The following ABCA5 variants were observed in gnomAD, a reference collection of about 807,000 sequenced individuals.
The protein encoded by ABCA5 is ATP binding cassette subfamily A member 5.
ABCA5 carries 163 observed loss-of-function variants against 206.0 expected under a neutral mutation model. The observed-to-expected ratio is 0.79, with a 90% CI of 0.70 to 0.90. The LOEUF (loss-of-function observed/expected upper bound fraction) is 0.90, where lower values mean the gene tolerates loss of function less well. Among genes scored for constraint, ABCA5 ranks in the 40% least tolerant of loss-of-function variants. ABCA5 has a pLI of 0.00. For missense variants in ABCA5, 1,859 were observed against 1,912.9 expected, an observed-to-expected ratio of 0.97 and a Z score of 0.53; for synonymous variants, 609 against 613.8, an observed-to-expected ratio of 0.99 and a Z score of 0.11.
At chr17:69,294,112 C>T (rs2075559524) in intron 11 of ABCA5, among the ~76,000 whole-genome samples, 1 of 151,970 alleles carries the variant, frequency 6.6e-6, no homozygotes, top group South Asian at 2.1e-4. Flanking sequence ...AAGGACATAG[C>T]CTTATTCAAA....
intron 29 of ABCA5, 36 bp downstream of exon 29, chr17:69,256,121 A>T: frequency 6.6e-7 from 1 of 1,519,124 alleles, no homozygotes. Flanking sequence ...TGATCATTTC[A>T]TATTTACTAT....
intron 37 of ABCA5, chr17:69,249,667 G>A: frequency 2.2e-6 from 1 of 464,524 alleles, no homozygotes; most frequent in Non-Finnish European, 3.8e-6. Context: ...TATGACATTA[G>A]TGTTTACCTG....
chr17:69,302,930 T>C (rs1437657892), intron 7 of ABCA5, 24 bp from the exon 8 acceptor site: 17 of 1,339,570 alleles, frequency 1.3e-5, no homozygotes, highest in Non-Finnish European at 1.6e-5. Flanking sequence ...ATATTAAGGT[T>C]AGTGCAATGT....
At chr17:69,261,312 C>A in intron 25 of ABCA5, 53 bp from the exon 26 acceptor site, 1 of 1,515,724 alleles carries the variant, frequency 6.6e-7, no homozygotes, top group Non-Finnish European at 8.9e-7. Context: ...AAACTTCTTA[C>A]AAATTGGTGT....
chr17:69,300,866 A>T (rs939404199), intron 9 of ABCA5, among the ~76,000 whole-genome samples: 1 of 152,158 alleles, frequency 6.6e-6, no homozygotes, highest in Non-Finnish European at 1.5e-5. Context: ...TACTTCAATT[A>T]AAAAAGACTG....
chr17:69,289,080 C>T lies in ABCA5; in HGVS notation c.1902+97G>A. 6 of 1,214,486 alleles carry T rather than the reference C, an allele frequency of 4.9e-6. No homozygotes were observed. The South Asian group carries it at 1.1e-4, about 21-fold the overall frequency. The allele number at this position is 1,214,486 out of a possible 1,614,324, so 75.2% of individuals were successfully genotyped here. A position where few individuals can be genotyped will look rare whatever the true frequency, so the allele number is the denominator to read the frequency against. On this transcript the variant is annotated intron_variant, in intron 14 of 38. Transcript: ENST00000392676. The stretch of plus-strand genomic sequence containing the variant: ...AATAACATACAGCATTTTATGTACA[C>T]TTAACCTTTACATAATGTATTATAT...
In ABCA5 at chr17:69,267,900, C is replaced by T. The variant is rs60784573; in HGVS notation, c.3144+43G>A. On this transcript the variant is annotated intron_variant, in intron 23 of 38. Coordinates refer to ENST00000392676, the MANE Select transcript of ABCA5 (RefSeq NM_172232.4). ...AAGCAAATAGGTTATTTTTATATGA[C>T]ACTTCTTATTAGCAAATTATATATT... 7.0e-4 allele frequency: 795 copies of T among 1,132,194 alleles called. 3 individuals carry two copies. In the African/African-American group the frequency reaches 9.9e-3, roughly 14 times the overall value. 70.1% of individuals were successfully genotyped at this position (1,132,194 alleles called of 1,614,324 possible). A position where few individuals can be genotyped will look rare whatever the true frequency, so the allele number is the denominator to read the frequency against.
intron 1 of ABCA5, among the ~76,000 whole-genome samples, chr17:69,323,102 T>C (rs1176705486): frequency 6.6e-6 from 1 of 152,182 alleles, no homozygotes; most frequent in African/African-American, 2.4e-5. Flanking sequence ...AGGTTGACTT[T>C]GGAGACTGGG....
chr17:69,306,017 C>G (rs940148386), intron 6 of ABCA5, among the ~76,000 whole-genome samples: 1 of 151,962 alleles, frequency 6.6e-6, no homozygotes, highest in Non-Finnish European at 1.5e-5. Context: ...TTTTGTAAAA[C>G]AGACTATAAC....
intron 37 of ABCA5, chr17:69,249,258 TCA>T (rs2074985615): frequency 6.6e-6 from 1 of 152,184 alleles, no homozygotes; most frequent in Non-Finnish European, 1.5e-5. Flanking sequence ...ATAGGTTGTT[TCA>T]CAGTTTATAA....
Position 69,313,126 on chromosome 17 carries a change from G to C in ABCA5, c.273C>G (p.Ile91Met). The C allele has an allele frequency of 3.1e-6, 5 of 1,611,196 alleles. No homozygotes were observed. Among genetic ancestry groups the C allele is most frequent in the Non-Finnish European group, 4.2e-6 (5 of 1,178,430 alleles). ...YTPVTNITSS[I>M]MQKVSTDHLP... Reference sequence around the variant, plus strand: ...GATGATCAGTAGACACTTTCTGCATGATGCTGCTTGTAATATTAGTCACTG... The same window carrying C: ...GATGATCAGTAGACACTTTCTGCATCATGCTGCTTGTAATATTAGTCACTG... The change falls in exon 3 of 39, where the codon ATC becomes ATG. Residue 91 changes from isoleucine (I) to methionine (M), a missense_variant. Physicochemically the swap from Ile to Met is conservative, Grantham distance 10. Transcript: ENST00000392676.
chr17:69,295,967 G>C (rs2075579835), intron 10 of ABCA5, among the ~76,000 whole-genome samples: 1 of 152,184 alleles, frequency 6.6e-6, no homozygotes, highest in South Asian at 2.1e-4. Flanking sequence ...CAAGAGAAAA[G>C]CATAGTATTC....
chr17:69,251,464 TTACA>T (rs2075012510), intron 35 of ABCA5: 1 of 321,386 alleles, frequency 3.1e-6, no homozygotes, highest in Non-Finnish European at 5.6e-6. Context: ...CATATTTGTG[TTACA>T]TAATTAATCC....
chr17:69,300,550 A>C (rs1196318312), intron 9 of ABCA5, among the ~76,000 whole-genome samples: 2 of 152,218 alleles, frequency 1.3e-5, no homozygotes, highest in Non-Finnish European at 2.9e-5. Flanking sequence ...ATATATGGCT[A>C]CTGAGCACTT....
chr17:69,264,806 T>C lies in ABCA5; in HGVS notation c.3244A>G (p.Ile1082Val). ...VDIPLFFIIL[I>V]LMLGSLLAFH... Reference sequence around the variant, plus strand: ...GCCAATAAGCTTCCTAGCATCAAAATAAGAATGATAAAAAATAAGGGGATA... The same window carrying C: ...GCCAATAAGCTTCCTAGCATCAAAACAAGAATGATAAAAAATAAGGGGATA... Residue 1082 changes from isoleucine to valine, a missense_variant, in exon 24 of 39, where the codon ATT (isoleucine) becomes GTT (valine). Transcript: ENST00000392676. 6.2e-7 allele frequency: 1 copy of C among 1,600,912 alleles called. No homozygotes were observed. Among genetic ancestry groups the C allele is most frequent in the Non-Finnish European group, 8.5e-7 (1 of 1,173,744 alleles).
chr17:69,250,045 T>TA, intron 36 of ABCA5, 61 bp from the exon 37 acceptor site: 1 of 1,061,004 alleles, frequency 9.4e-7, no homozygotes, highest in Non-Finnish European at 1.3e-6. Context: ...GTTCTAAAGC[T>TA]AAAGTTCAAC....
In ABCA5 at chr17:69,301,163, C is replaced by G. The variant is rs1447911191; in HGVS notation, c.1243G>C (p.Val415Leu). The part of the protein sequence containing the change: ...LNSIFYVLLA[V>L]YLDQVIPGEF... The stretch of plus-strand genomic sequence containing the variant: ...CCTGGAATGACTTGATCAAGATAGA[C>G]AGCCAAGAGGACATAGAATATACTA... The change falls in exon 9 of 39, where the codon GTC becomes CTC. Residue 415 changes from valine (V) to leucine (L), a missense_variant. Coordinates refer to ENST00000392676, the MANE Select transcript of ABCA5 (RefSeq NM_172232.4). The G allele has an allele frequency of 6.4e-7, 1 of 1,564,090 alleles. No homozygotes were observed. The highest frequency in any genetic ancestry group is 1.4e-5 in the African/African-American group (1 of 71,708).
At chr17:69,271,065 A>T in intron 21 of ABCA5, 97 bp downstream of exon 21, 1 of 1,394,086 alleles carries the variant, frequency 7.2e-7, no homozygotes, top group Non-Finnish European at 9.5e-7. Context: ...CTAATTTCTA[A>T]CTCATAAGGT....
At chr17:69,297,759 C>T (rs1198273443) in intron 9 of ABCA5, among the ~76,000 whole-genome samples, 4 of 152,124 alleles carry the variant, frequency 2.6e-5, no homozygotes, top group Non-Finnish European at 4.4e-5. Flanking sequence ...GTGTTGAAGA[C>T]TTGAATGGGC....
Sources: gnomAD v4.1 joint callset for allele counts (sites outside exome capture counted in the v4.1 genomes callset) on GRCh38, gnomAD v4.1.1 for gene constraint, MANE v1.5 for transcripts, NCBI Gene and HGNC (gene_info 2026-07-23, HGNC 2026-07-21) for gene names.